ENOX1: variants seen among roughly 807,000 people sequenced by gnomAD.
The protein encoded by ENOX1 is candidate growth-related and time keeping constitutive hydroquinone (NADH) oxidase.
A neutral mutation model predicts 82.5 loss-of-function variants in ENOX1; 42 were observed. That is an observed-to-expected ratio of 0.51 (90% CI 0.40 to 0.66). The LOEUF (loss-of-function observed/expected upper bound fraction) is 0.66, where lower values mean the gene tolerates loss of function less well. Ranked by LOEUF, ENOX1 falls within the 30% of genes least tolerant of loss-of-function variation. ENOX1 has a pLI of 0.00. For missense variants in ENOX1, 608 were observed against 811.6 expected (o/e 0.75, Z 3.05); for synonymous variants, 271 against 282.2 (o/e 0.96, Z 0.40).
At chr13:43,490,520 G>A (rs1487055066) in intron 2 of ENOX1, among the ~76,000 whole-genome samples, 1 of 152,158 alleles carries the variant, frequency 6.6e-6, no homozygotes. Context: ...AAATTCAGGT[G>A]TTGGCAATGT....
chr13:43,245,698 T>C (rs920491940), intron 14 of ENOX1, among the ~76,000 whole-genome samples: 1 of 152,142 alleles, frequency 6.6e-6, no homozygotes, highest in African/African-American at 2.4e-5. Context: ...CCAGCAGCCT[T>C]TGATGGTCAA....
chr13:43,340,307 G>A (rs747298058), intron 9 of ENOX1, among the ~76,000 whole-genome samples: 13 of 152,122 alleles, frequency 8.5e-5, no homozygotes, highest in Non-Finnish European at 1.6e-4. Flanking sequence ...CACATTTAAG[G>A]TATCCCCCAT....
intron 2 of ENOX1, among the ~76,000 whole-genome samples, chr13:43,667,205 C>A (rs2085024063): frequency 6.6e-6 from 1 of 152,076 alleles, no homozygotes; most frequent in African/African-American, 2.4e-5. Flanking sequence ...ATGGTAGTAC[C>A]TTTATGAAAA....
chr13:43,491,689 C>G (rs1205846689), intron 2 of ENOX1, among the ~76,000 whole-genome samples: 2 of 152,200 alleles, frequency 1.3e-5, no homozygotes, highest in Admixed American at 6.5e-5. Flanking sequence ...ATGGCTTGAA[C>G]CCAGGAGGTG....
At chr13:43,664,652 A>G (rs575731593) in intron 2 of ENOX1, among the ~76,000 whole-genome samples, 63 of 152,316 alleles carry the variant, frequency 4.1e-4, no homozygotes, top group Admixed American at 1.5e-3. Flanking sequence ...CCACACTAGG[A>G]GAGTTCATGT....
rs951198684 is a variant in ENOX1 at position 43,401,071 on chromosome 13, C to A, written c.208+10845G>T. On this transcript the variant is annotated intron_variant, in intron 5 of 16. Coordinates refer to ENST00000690772, the MANE Select transcript of ENOX1 (RefSeq NM_001347969.2). Reference sequence around the variant, plus strand: ...TTAGCTAGCAGAGGATTCAATGATGCAAGATATTAGAGTATTTGGCACATA... The same window carrying A: ...TTAGCTAGCAGAGGATTCAATGATGAAAGATATTAGAGTATTTGGCACATA... 3.8e-5 allele frequency among the ~76,000 whole-genome samples: 5 copies of A among 132,860 alleles called. No individual in the cohort carries two copies. In the East Asian group the frequency reaches 1.3e-3, roughly 36 times the overall value. The allele number at this position is 132,860 out of a possible 152,430, so 87.2% of individuals were successfully genotyped here.
Position 43,390,005 on chromosome 13 carries a change from A to G in ENOX1, c.208+21911T>C, listed in dbSNP as rs530030132. On this transcript the variant is annotated intron_variant, in intron 5 of 16. Transcript: ENST00000690772. ...AAGAACAAATAACTTATGTGCAAAT[A>G]TAAGATACAGTGTGAGTGCTGAAAA... Among the ~76,000 whole-genome samples the G allele has an allele frequency of 2.0e-4, 31 of 152,342 alleles. No homozygotes were observed. In the South Asian group the frequency reaches 3.5e-3, roughly 17 times the overall value.
At chr13:43,458,395 A>G (rs1010286495) in intron 3 of ENOX1, 3 of 152,186 alleles carry the variant, frequency 2.0e-5, no homozygotes, top group African/African-American at 7.2e-5. Flanking sequence ...TGATATTGAA[A>G]CCTTAAGCTG....
intron 12 of ENOX1, among the ~76,000 whole-genome samples, chr13:43,287,597 T>C (rs1306112713): frequency 6.6e-6 from 1 of 152,206 alleles, no homozygotes; most frequent in Non-Finnish European, 1.5e-5. Flanking sequence ...ATTTCATTAT[T>C]CATGCCCTTA....
intron 1 of ENOX1, among the ~76,000 whole-genome samples, chr13:43,680,531 T>C (rs983538682): frequency 6.6e-6 from 1 of 152,152 alleles, no homozygotes; most frequent in Non-Finnish European, 1.5e-5. Flanking sequence ...CATAGGGTAA[T>C]GACATTGGAA....
chr13:43,407,893 A>G (rs2153595915), intron 5 of ENOX1, among the ~76,000 whole-genome samples: 1 of 152,384 alleles, frequency 6.6e-6, no homozygotes, highest in East Asian at 1.9e-4. Context: ...TCACAAAACC[A>G]AAACAAAGTA....
At chr13:43,487,169 C>T (rs1418913340) in intron 2 of ENOX1, among the ~76,000 whole-genome samples, 2 of 142,552 alleles carry the variant, frequency 1.4e-5, no homozygotes, top group Admixed American at 1.4e-4. Flanking sequence ...GAGACTCTGT[C>T]TCAAAAAAAA....
intron 5 of ENOX1, among the ~76,000 whole-genome samples, chr13:43,389,489 C>T (rs1594278200): frequency 6.6e-6 from 1 of 152,302 alleles, no homozygotes. Flanking sequence ...TCCTCTGAAT[C>T]AGCTCCAGAA....
At chr13:43,327,102 C>T (rs2048157111) in intron 9 of ENOX1, among the ~76,000 whole-genome samples, 1 of 152,134 alleles carries the variant, frequency 6.6e-6, no homozygotes, top group Non-Finnish European at 1.5e-5. Context: ...CTCCTTTTTC[C>T]TCCCCCTGTT....
At chr13:43,722,242 G>C (rs1165443043) in intron 1 of ENOX1, among the ~76,000 whole-genome samples, 1 of 152,194 alleles carries the variant, frequency 6.6e-6, no homozygotes, top group Non-Finnish European at 1.5e-5. Context: ...ATCCTAACTG[G>C]AAGGTGTCTG....
intron 3 of ENOX1, chr13:43,459,434 T>C (rs193296897): frequency 3.2e-4 from 48 of 152,360 alleles, no homozygotes; most frequent in Admixed American, 1.8e-3. Context: ...TGGACATTCA[T>C]GATGAAAAAA....
chr13:43,293,848 A>AATGTT (rs2046146293), intron 12 of ENOX1, among the ~76,000 whole-genome samples: 1 of 152,226 alleles, frequency 6.6e-6, no homozygotes, highest in African/African-American at 2.4e-5. Context: ...GGAAAGTAGT[A>AATGTT]ATGTTATATT....
chr13:43,722,476 T>C lies in ENOX1; in HGVS notation c.-284-54932A>G, dbSNP rs1385431538. Among the ~76,000 whole-genome samples, 7 of 152,198 alleles carry C rather than the reference T, an allele frequency of 4.6e-5. No individual in the cohort carries two copies. The East Asian group carries it at 1.3e-3, about 29-fold the overall frequency. On this transcript the variant is annotated intron_variant, in intron 1 of 16. Transcript: ENST00000690772. ...ATTTCCAAAGAAGTAAATGTGGGCC[T>C]GCCTGAGGATACAGTAAGTTCCCTG...
chr13:43,391,849 CCT>C (rs1304301358), intron 5 of ENOX1, among the ~76,000 whole-genome samples: 1 of 152,140 alleles, frequency 6.6e-6, no homozygotes, highest in African/African-American at 2.4e-5. Flanking sequence ...TCATAGAATC[CCT>C]CTGTTTCAGG....
Sources: gnomAD v4.1 joint callset for allele counts (sites outside exome capture counted in the v4.1 genomes callset) on GRCh38, gnomAD v4.1.1 for gene constraint, MANE v1.5 for transcripts, NCBI Gene and HGNC (gene_info 2026-07-23, HGNC 2026-07-21) for gene names.